FHIT: variants seen among roughly 807,000 people sequenced by gnomAD.
FHIT encodes the protein fragile histidine triad diadenosine triphosphatase, also known as bis(5'-adenosyl)-triphosphatase.
Under a neutral mutation model 17.9 loss-of-function variants are expected in FHIT, and 19 were observed. The observed-to-expected ratio is 1.06, with a 90% CI of 0.74 to 1.56. The LOEUF (loss-of-function observed/expected upper bound fraction) is 1.56, where lower values mean the gene tolerates loss of function less well. FHIT is among the 40% of genes most tolerant of loss of function. The pLI is 0.00. For missense variants in FHIT, 248 were observed against 189.2 expected, an observed-to-expected ratio of 1.31 and a Z score of -1.82; for synonymous variants, 81 against 69.7, an observed-to-expected ratio of 1.16 and a Z score of -0.81.
At chr3:60,245,881 C>T (rs1403538262) in intron 5 of FHIT, among the ~76,000 whole-genome samples, 1 of 151,972 alleles carries the variant, frequency 6.6e-6, no homozygotes, top group Non-Finnish European at 1.5e-5. Flanking sequence ...TCTGTATGTA[C>T]ATTTTATGTG....
chr3:60,215,297 C>T (rs1327231986), intron 5 of FHIT, among the ~76,000 whole-genome samples: 1 of 152,132 alleles, frequency 6.6e-6, no homozygotes, highest in Non-Finnish European at 1.5e-5. Context: ...CGAGACCAGC[C>T]TGGCCAATAT....
intron 2 of FHIT, among the ~76,000 whole-genome samples, chr3:61,084,655 T>A (rs933331825): frequency 3.3e-5 from 5 of 152,242 alleles, no homozygotes; most frequent in African/African-American, 1.2e-4. Flanking sequence ...GGTAACTTTT[T>A]AAATACATTT....
At chr3:61,143,377 G>T (rs1047429258) in intron 2 of FHIT, among the ~76,000 whole-genome samples, 2 of 152,110 alleles carry the variant, frequency 1.3e-5, no homozygotes, top group African/African-American at 4.8e-5. Context: ...AATATTTAGA[G>T]TGCATGCATA....
intron 5 of FHIT, among the ~76,000 whole-genome samples, chr3:60,029,312 G>A (rs1386092025): frequency 6.6e-5 from 10 of 152,156 alleles, no homozygotes; most frequent in Admixed American, 6.6e-4. Flanking sequence ...TGTATAAGAT[G>A]AGGGGTACTT....
At chr3:61,233,792 C>A (rs1449355179) in intron 1 of FHIT, among the ~76,000 whole-genome samples, 1 of 152,204 alleles carries the variant, frequency 6.6e-6, no homozygotes, top group Admixed American at 6.5e-5. Context: ...CCCCTCCTGA[C>A]TCCCTGAATA....
chr3:61,216,038 C>A (rs1324337585), intron 1 of FHIT, among the ~76,000 whole-genome samples: 1 of 152,080 alleles, frequency 6.6e-6, no homozygotes, highest in Non-Finnish European at 1.5e-5. Context: ...ACCATAAAAA[C>A]CCTAGAAGAA....
intron 2 of FHIT, among the ~76,000 whole-genome samples, chr3:61,183,871 G>A (rs982514028): frequency 6.8e-6 from 1 of 148,104 alleles, no homozygotes; most frequent in Admixed American, 6.7e-5. Flanking sequence ...TGGCATTAAT[G>A]GGCAAAGCAT....
At chr3:60,704,633 C>A (rs766564452) in intron 4 of FHIT, among the ~76,000 whole-genome samples, 2 of 152,078 alleles carry the variant, frequency 1.3e-5, no homozygotes, top group Non-Finnish European at 2.9e-5. Flanking sequence ...GAAAAATGAA[C>A]CTTTTTTTGC....
chr3:60,925,703 C>T (rs4508731), intron 3 of FHIT, among the ~76,000 whole-genome samples: 45,985 of 151,920 alleles, frequency 0.3, 7,516 homozygotes, highest in African/African-American at 0.43. Context: ...CAAATTCACA[C>T]ATAACAATAT....
chr3:60,065,735 G>T (rs3856669), intron 5 of FHIT, among the ~76,000 whole-genome samples: 40,787 of 151,926 alleles, frequency 0.27, 7,096 homozygotes, highest in African/African-American at 0.49. Flanking sequence ...TTTGCCCATT[G>T]CTCATTCCTA....
chr3:60,627,008 A>G (rs1249010969), intron 4 of FHIT, among the ~76,000 whole-genome samples: 6 of 151,914 alleles, frequency 3.9e-5, no homozygotes, highest in Non-Finnish European at 8.8e-5. Flanking sequence ...ATTAGTTTTC[A>G]TATGTTAAAA....
At chr3:61,103,925 C>G (rs563770715) in intron 2 of FHIT, among the ~76,000 whole-genome samples, 6 of 146,460 alleles carry the variant, frequency 4.1e-5, no homozygotes, top group Admixed American at 3.5e-4. Flanking sequence ...TTTGGTAGAT[C>G]TTCCTCCATC....
intron 3 of FHIT, among the ~76,000 whole-genome samples, chr3:60,977,382 A>T (rs998045130): frequency 1.3e-5 from 2 of 152,160 alleles, no homozygotes; most frequent in Non-Finnish European, 2.9e-5. Flanking sequence ...TAAAAGTTGA[A>T]ATGTATCATA....
intron 8 of FHIT, among the ~76,000 whole-genome samples, chr3:59,803,654 G>A (rs1156810179): frequency 6.6e-6 from 1 of 152,124 alleles, no homozygotes; most frequent in South Asian, 2.1e-4. Context: ...AGAAGTTCTG[G>A]ACCTTTTCAA....
intron 7 of FHIT, among the ~76,000 whole-genome samples, chr3:59,933,271 T>C (rs1281443042): frequency 2.0e-5 from 3 of 152,138 alleles, no homozygotes; most frequent in East Asian, 3.9e-4. Flanking sequence ...CAACACTTAA[T>C]TATTTCTTTC....
chr3:59,963,938 AAC>A (rs760386027), intron 7 of FHIT, among the ~76,000 whole-genome samples: 8 of 152,348 alleles, frequency 5.3e-5, no homozygotes, highest in Non-Finnish European at 1.0e-4. Flanking sequence ...TTTTCATCGT[AAC>A]AGTGTATTAT....
chr3:60,204,411 A>G (rs1009051634), intron 5 of FHIT, among the ~76,000 whole-genome samples: 5 of 151,190 alleles, frequency 3.3e-5, no homozygotes, highest in Non-Finnish European at 7.4e-5. Context: ...CTGGGATTAC[A>G]AGCACGCATC....
At chr3:60,502,399 T>C (rs2107526150) in intron 5 of FHIT, among the ~76,000 whole-genome samples, 1 of 152,276 alleles carries the variant, frequency 6.6e-6, no homozygotes, top group South Asian at 2.1e-4. Context: ...GGCACAGCAT[T>C]CTCTTTATCT....
chr3:59,792,870 T>G (rs928977908), intron 8 of FHIT, among the ~76,000 whole-genome samples: 4 of 122,120 alleles, frequency 3.3e-5, no homozygotes, highest in Non-Finnish European at 6.7e-5. Flanking sequence ...GTCCTTATTT[T>G]TTGGGGGGGG....
Sources: gnomAD v4.1 joint callset for allele counts (sites outside exome capture counted in the v4.1 genomes callset) on GRCh38, gnomAD v4.1.1 for gene constraint, MANE v1.5 for transcripts, NCBI Gene and HGNC (gene_info 2026-07-23, HGNC 2026-07-21) for gene names.